The following MMP26 variants were observed in gnomAD, a reference collection of about 807,000 sequenced individuals.
MMP26 encodes matrix metalloproteinase-26.
A neutral mutation model predicts 31.0 loss-of-function variants in MMP26; 33 were observed. The ratio of observed to expected loss-of-function variants is 1.06; its 90% CI spans 0.81 to 1.42. The LOEUF is 1.42. MMP26 is among the 40% of genes most tolerant of loss of function. The pLI is 0.00. For missense variants in MMP26, 347 were observed against 316.1 expected (o/e 1.10, Z -0.74); for synonymous variants, 122 against 114.9 (o/e 1.06, Z -0.40).
At chr11:4,860,843 T>A (rs1850143724) in intron 2 of MMP26, among the ~76,000 whole-genome samples, 1 of 152,038 alleles carries the variant, frequency 6.6e-6, no homozygotes, top group African/African-American at 2.4e-5. Flanking sequence ...CAGTAAAAAA[T>A]TTTGATATCT....
In MMP26 at chr11:4,908,074, G is replaced by T. The variant is rs753540022; in HGVS notation, c.-144-79994G>T. ...TTGCATCTTTGGCAGAGAGGCTTAA[G>T]GCCCTAAATACCTGTGTCTCCCACA... On this transcript the variant is annotated intron_variant, in intron 2 of 7. Transcript: ENST00000380390. 1.2e-6 allele frequency: 2 copies of T among 1,614,048 alleles called. No homozygotes were observed. Among genetic ancestry groups the T allele is most frequent in the African/African-American group, 2.7e-5 (2 of 74,924 alleles).
chr11:4,886,286 C>T (rs983163621), intron 2 of MMP26, among the ~76,000 whole-genome samples: 4 of 152,112 alleles, frequency 2.6e-5, no homozygotes, highest in Admixed American at 1.3e-4. Context: ...TGGAATCATA[C>T]TGCCTGGGCT....
intron 2 of MMP26, chr11:4,787,251 G>C (rs376654855): frequency 6.6e-6 from 1 of 152,288 alleles, no homozygotes; most frequent in Non-Finnish European, 1.5e-5. Context: ...TTCTCATTAA[G>C]AGACTGTCAT....
intron 2 of MMP26, chr11:4,955,476 G>T (rs1846427775): frequency 7.8e-7 from 1 of 1,287,352 alleles, no homozygotes; most frequent in Non-Finnish European, 1.1e-6. Flanking sequence ...ACAGTGGGCA[G>T]AGATGATAAA....
rs139680462 is a variant in MMP26 at position 4,984,880 on chromosome 11, G to A, written c.-144-3188G>A. Among the ~76,000 whole-genome samples the A allele has an allele frequency of 3.9e-5, 6 of 152,294 alleles. No individual in the cohort carries two copies. The East Asian group carries it at 1.2e-3, about 29-fold the overall frequency. On this transcript the variant is annotated intron_variant, in intron 2 of 7. Coordinates refer to ENST00000380390, the MANE Select transcript of MMP26 (RefSeq NM_021801.5). Reference sequence around the variant, plus strand: ...GGTCACCTTCTTTCAATGGGATAGAGAGATTTAACCTGATTTTTAACCATC... The same window carrying A: ...GGTCACCTTCTTTCAATGGGATAGAAAGATTTAACCTGATTTTTAACCATC...
chr11:4,816,799 G>A (rs1202346488), intron 2 of MMP26, among the ~76,000 whole-genome samples: 1 of 148,424 alleles, frequency 6.7e-6, no homozygotes, highest in African/African-American at 2.5e-5. Context: ...CGCCTCATGG[G>A]TTCACGCCGT....
In MMP26 at chr11:4,914,544, A is replaced by AT. The variant is rs11378088; in HGVS notation, c.-144-73524_-144-73523insT. 18 of 541,212 alleles carry AT rather than the reference A, an allele frequency of 3.3e-5. 1 individual carries two copies. The South Asian group carries it at 5.6e-4, about 17-fold the overall frequency. 33.5% of individuals were successfully genotyped at this position (541,212 alleles called of 1,614,324 possible). A position where few individuals can be genotyped will look rare whatever the true frequency, so the allele number is the denominator to read the frequency against. ...AATTTACCACATCATATTACATTTT[A>AT]CCCCCCCCTGCCCTGGCCACAACAG... is the stretch of plus-strand genomic sequence containing the variant. On this transcript the variant is annotated intron_variant, in intron 2 of 7. Transcript: ENST00000380390.
At chr11:4,760,676 T>C (rs1178395907) in intron 1 of MMP26, among the ~76,000 whole-genome samples, 1 of 152,198 alleles carries the variant, frequency 6.6e-6, no homozygotes, top group East Asian at 1.9e-4. Context: ...CATTGATAGA[T>C]TTCATGGAGC....
intron 2 of MMP26, among the ~76,000 whole-genome samples, chr11:4,777,117 A>G (rs1848799805): frequency 6.6e-6 from 1 of 152,184 alleles, no homozygotes; most frequent in Non-Finnish European, 1.5e-5. Flanking sequence ...AATTCTTTGC[A>G]AAATTTGATT....
At chr11:4,987,479 C>T (rs186245421) in intron 2 of MMP26, among the ~76,000 whole-genome samples, 3,073 of 151,584 alleles carry the variant, frequency 0.02, 72 homozygotes, top group African/African-American at 0.045. Context: ...AGTGCAGTGG[C>T]GCGATCTCGG....
rs1452659856 is a variant in MMP26, at chr11:4,779,264, T to C, written c.-145+11923T>C. On this transcript the variant is annotated intron_variant, in intron 2 of 7. Transcript: ENST00000380390. The stretch of plus-strand genomic sequence containing the variant: ...AATTTTCTATTTCTGGTTTACTAAG[T>C]TACCATGAATATCAATTTAGATTCA... 2.6e-5 allele frequency among the ~76,000 whole-genome samples: 4 copies of C among 152,084 alleles called. No individual in the cohort carries two copies. The East Asian group carries it at 7.7e-4, about 29-fold the overall frequency.
intron 2 of MMP26, chr11:4,786,952 A>G (rs1428921768): frequency 6.5e-6 from 1 of 152,752 alleles, no homozygotes; most frequent in African/African-American, 2.4e-5. Flanking sequence ...TTTTCTCTTC[A>G]TGCTGTCTGC....
intron 2 of MMP26, among the ~76,000 whole-genome samples, chr11:4,950,688 T>A (rs930548007): frequency 6.6e-5 from 8 of 121,506 alleles, no homozygotes; most frequent in Admixed American, 2.8e-4. Flanking sequence ...CAAAAAAAAA[T>A]ATTATTATTA....
At chr11:4,957,511 T>A (rs1219934136) in intron 2 of MMP26, among the ~76,000 whole-genome samples, 1 of 152,124 alleles carries the variant, frequency 6.6e-6, no homozygotes, top group Non-Finnish European at 1.5e-5. Context: ...TTTTATTCCT[T>A]TCGTCCTTTC....
At chr11:4,813,365 C>T (rs1434015147) in intron 2 of MMP26, among the ~76,000 whole-genome samples, 1 of 151,946 alleles carries the variant, frequency 6.6e-6, no homozygotes, top group Non-Finnish European at 1.5e-5. Flanking sequence ...AATTGATTTT[C>T]CTTTTTTCCT....
chr11:4,991,365 C>T lies in MMP26; in HGVS notation c.470-6C>T. ...TCATTGTGATCATAGCTTCTGTCGT[C>T]CACAGCCCATGAAGATGGTTGGCCC... On this transcript the variant is annotated splice_polypyrimidine_tract_variant and splice_region_variant and intron_variant, in intron 5 of 7. Coordinates refer to ENST00000380390, the MANE Select transcript of MMP26 (RefSeq NM_021801.5). 1 of 1,611,830 alleles carries T rather than the reference C, an allele frequency of 6.2e-7. No homozygotes were observed. Among genetic ancestry groups the T allele is most frequent in the Non-Finnish European group, 8.5e-7 (1 of 1,178,534 alleles).
At chr11:4,800,126 A>G (rs6578530) in intron 2 of MMP26, among the ~76,000 whole-genome samples, 56,296 of 152,006 alleles carry the variant, frequency 0.37, 11,498 homozygotes, top group African/African-American at 0.52. Flanking sequence ...GGCCCAGTGG[A>G]GACTGTGTGG....
intron 2 of MMP26, among the ~76,000 whole-genome samples, chr11:4,927,524 T>A (rs992246325): frequency 1.3e-5 from 2 of 152,130 alleles, no homozygotes; most frequent in Non-Finnish European, 2.9e-5. Flanking sequence ...ATGAGGGGAT[T>A]TAGCAAACAG....
chr11:4,915,260 A>T (rs1033496355), intron 2 of MMP26: 1 of 1,613,932 alleles, frequency 6.2e-7, no homozygotes, highest in African/African-American at 1.3e-5. Context: ...AACATAGTGC[A>T]AGGGGTGGCA....
Sources: gnomAD v4.1 joint callset for allele counts (sites outside exome capture counted in the v4.1 genomes callset) on GRCh38, gnomAD v4.1.1 for gene constraint, MANE v1.5 for transcripts, NCBI Gene and HGNC (gene_info 2026-07-23, HGNC 2026-07-21) for gene names.